LARS1: variants seen among roughly 807,000 people sequenced by gnomAD.
LARS1 encodes leucine--tRNA ligase, cytoplasmic.
LARS1 carries 100 observed loss-of-function variants against 162.8 expected under a neutral mutation model. The observed-to-expected ratio is 0.61, with a 90% CI of 0.52 to 0.73. LARS1 has a LOEUF of 0.73. LARS1 is among the 30% of genes least tolerant of loss of function. The pLI is 0.00. For synonymous variants in LARS1, 457 were observed against 462.8 expected (o/e 0.99, Z 0.16); for missense variants, 1,258 against 1,408.9 (o/e 0.89, Z 1.71).
At chr5:146,148,589 C>T (rs911383617) in intron 15 of LARS1, among the ~76,000 whole-genome samples, 1 of 152,054 alleles carries the variant, frequency 6.6e-6, no homozygotes, top group African/African-American at 2.4e-5. Context: ...GTTATAACTA[C>T]AGTGTACGGA....
intron 31 of LARS1, among the ~76,000 whole-genome samples, chr5:146,115,046 GAAAA>G (rs35008800): frequency 1.1e-4 from 11 of 97,648 alleles, no homozygotes; most frequent in Non-Finnish European, 1.6e-4. Flanking sequence ...CTGTCGGGGG[GAAAA>G]AAAAAAAAAA....
chr5:146,166,622 C>A (rs1010216596), intron 5 of LARS1, among the ~76,000 whole-genome samples: 2 of 152,024 alleles, frequency 1.3e-5, no homozygotes, highest in African/African-American at 4.8e-5. Context: ...ATAGAAAGGA[C>A]AGATTAAGTA....
At chr5:146,147,962 C>T (rs1050392736) in intron 15 of LARS1, among the ~76,000 whole-genome samples, 10 of 152,076 alleles carry the variant, frequency 6.6e-5, no homozygotes, top group African/African-American at 2.2e-4. Context: ...CAGTCACTAC[C>T]AGAAGAGTTT....
chr5:146,172,850 G>A, intron 2 of LARS1, 76 bp from the exon 3 acceptor site: 1 of 607,732 alleles, frequency 1.6e-6, no homozygotes, highest in Non-Finnish European at 2.7e-6. Flanking sequence ...GAAGTGGGGT[G>A]AAGGAAATGC....
Position 146,177,825 on chromosome 5 carries a change from C to G in LARS1, c.7-160G>C, listed in dbSNP as rs11949351. Among the ~76,000 whole-genome samples the G allele has an allele frequency of 0.22, 33,882 of 152,022 alleles. 4,834 individuals carry two copies. The highest frequency in any genetic ancestry group is 0.34 in the Admixed American group (5,111 of 15,230). On this transcript the variant is annotated intron_variant, in intron 1 of 31. Transcript: ENST00000394434. The stretch of plus-strand genomic sequence containing the variant: ...TTAAAAATTAGGGTTATCAGCCAGG[C>G]GCGGTGGCTCATGCGTGTAATCCCA...
chr5:146,151,952 A>G lies in LARS1; in HGVS notation c.1335T>C (p.Ile445=), dbSNP rs1753309712. 8 of 1,614,000 alleles carry G rather than the reference A, an allele frequency of 5.0e-6. No individual in the cohort carries two copies. The highest frequency in any genetic ancestry group is 3.4e-6 in the Non-Finnish European group (4 of 1,180,022). ...GGCTCTGAATTTTCAACTCATCACAAATGGTTACAGCAGAAAGATTTCCAA... is the reference window on the plus strand; with the variant it reads ...GGCTCTGAATTTTCAACTCATCACAGATGGTTACAGCAGAAAGATTTCCAA... ...PGFGNLSAVT[I]CDELKIQSQN... Residue 445 remains isoleucine (I), a synonymous_variant, in exon 14 of 32, where the codon ATT becomes ATC. Coordinates refer to ENST00000394434, the MANE Select transcript of LARS1 (RefSeq NM_020117.11).
At chr5:146,173,562 T>C (rs1012460729) in intron 2 of LARS1, among the ~76,000 whole-genome samples, 12 of 151,576 alleles carry the variant, frequency 7.9e-5, no homozygotes, top group African/African-American at 1.2e-4. Flanking sequence ...TTTAATTTTT[T>C]AGTTGTTTTT....
intron 2 of LARS1, among the ~76,000 whole-genome samples, chr5:146,173,744 ACTAC>A (rs1289850548): frequency 6.6e-6 from 1 of 152,074 alleles, no homozygotes; most frequent in Non-Finnish European, 1.5e-5. Context: ...ATCCACTGAA[ACTAC>A]CTGTTTCCTC....
chr5:146,171,691 T>C (rs976079105), intron 4 of LARS1, among the ~76,000 whole-genome samples: 1 of 152,210 alleles, frequency 6.6e-6, no homozygotes, highest in Admixed American at 6.5e-5. Flanking sequence ...CCAAAAGACA[T>C]TAAAATCACT....
chr5:146,174,555 CAT>C lies in LARS1; in HGVS notation c.126-1783_126-1782del, dbSNP rs1165292996. Among the ~76,000 whole-genome samples the C allele has an allele frequency of 1.7e-3, 131 of 79,102 alleles. 1 individual carries two copies. Among genetic ancestry groups the C allele is most frequent in the African/African-American group, 4.4e-3 (106 of 23,980 alleles). 51.9% of individuals were successfully genotyped at this position (79,102 alleles called of 152,430 possible). On this transcript the variant is annotated intron_variant, in intron 2 of 31. Transcript: ENST00000394434. ...ATATATATCCATATATGTATATATCCATATATATATATATCCATATATGTATA... is the reference window on the plus strand; with the variant it reads ...ATATATATCCATATATGTATATATCCATATATATATATCCATATATGTATA...
In LARS1 at chr5:146,143,541, A is replaced by T. The variant is rs751667186; in HGVS notation, c.1748T>A (p.Leu583Gln). The T allele has an allele frequency of 6.2e-7, 1 of 1,613,326 alleles. No individual in the cohort carries two copies. The highest frequency in any genetic ancestry group is 8.5e-7 in the Non-Finnish European group (1 of 1,179,534). Reference protein sequence around the residue: ...CSRTYGLGTHLPWDEQWLIES... With the variant: ...CSRTYGLGTHQPWDEQWLIES... ...AATCAGCCACTGCTCATCCCAAGGC[A>T]GGTGAGTGCCTGAAAAATAAAAAGT... Residue 583 changes from leucine to glutamine, a missense_variant, in exon 19 of 32, where the codon CTG (leucine) becomes CAG (glutamine). Physicochemically the swap from Leu to Gln is moderately radical, Grantham distance 113. Transcript: ENST00000394434.
Position 146,135,584 on chromosome 5 carries a change from GA to G in LARS1, c.2212+16del. 2 of 1,575,074 alleles carry G rather than the reference GA, an allele frequency of 1.3e-6. No individual in the cohort carries two copies. The highest frequency in any genetic ancestry group is 1.7e-6 in the Non-Finnish European group (2 of 1,151,918). On this transcript the variant is annotated intron_variant, in intron 22 of 31. Coordinates refer to ENST00000394434, the MANE Select transcript of LARS1 (RefSeq NM_020117.11). ...ACTGGACCCTACAGAACAGCAATAA[GA>G]AAAATGTTTACTCACCATCTGCTGA...
intron 22 of LARS1, among the ~76,000 whole-genome samples, chr5:146,134,737 C>A (rs549241761): frequency 6.6e-6 from 1 of 152,148 alleles, no homozygotes; most frequent in Admixed American, 6.5e-5. Flanking sequence ...TCACTTGAGG[C>A]CAAGAGTTCA....
intron 15 of LARS1, among the ~76,000 whole-genome samples, chr5:146,147,389 AC>A (rs1168150296): frequency 6.6e-6 from 1 of 150,530 alleles, no homozygotes; most frequent in Non-Finnish European, 1.5e-5. Flanking sequence ...ATATGGCAAG[AC>A]CCCTGTCTCT....
chr5:146,159,442 G>T lies in LARS1; in HGVS notation c.736C>A (p.Gln246Lys). The change falls in exon 8 of 32, where the codon CAG becomes AAG. Residue 246 changes from glutamine (Q) to lysine (K), a missense_variant. By Grantham distance (53) the Gln-to-Lys change is moderately conservative (BLOSUM62 1). Transcript: ENST00000394434. ...TGTCTATCATGATCCATGCAAGGCT[G>T]TCCATCTTTCGGAGAGTAAATTGTA... Reference protein sequence around the residue: ...RYTIYSPKDGQPCMDHDRQTG... With the variant: ...RYTIYSPKDGKPCMDHDRQTG... 1 of 1,612,092 alleles carries T rather than the reference G, an allele frequency of 6.2e-7. No individual in the cohort carries two copies. The highest frequency in any genetic ancestry group is 1.3e-5 in the African/African-American group (1 of 74,992).
chr5:146,117,599 G>A (rs1162652982), intron 31 of LARS1, among the ~76,000 whole-genome samples: 3 of 152,200 alleles, frequency 2.0e-5, no homozygotes, highest in African/African-American at 7.2e-5. Context: ...GACAGAGGGA[G>A]ACTCTATCTC....
chr5:146,173,666 C>G (rs1178890062), intron 2 of LARS1, among the ~76,000 whole-genome samples: 4 of 151,462 alleles, frequency 2.6e-5, no homozygotes, highest in African/African-American at 9.7e-5. Flanking sequence ...TGAAGAATAT[C>G]TAACATACAT....
intron 31 of LARS1, among the ~76,000 whole-genome samples, chr5:146,116,423 G>C (rs971395827): frequency 3.9e-5 from 6 of 152,084 alleles, no homozygotes; most frequent in Non-Finnish European, 7.4e-5. Flanking sequence ...AAGCAATTCT[G>C]AATCAAACTA....
chr5:146,140,375 C>A, intron 20 of LARS1, 114 bp from the exon 21 acceptor site: 2 of 750,654 alleles, frequency 2.7e-6, no homozygotes, highest in Admixed American at 2.5e-5. Context: ...GATAAAAGTG[C>A]AAGGATATAC....
Sources: allele counts gnomAD v4.1 joint callset (sites outside exome capture counted in the v4.1 genomes callset), GRCh38; gene constraint gnomAD v4.1.1; transcripts MANE v1.5; gene names NCBI Gene and HGNC (gene_info 2026-07-23, HGNC 2026-07-21).